TUBAL3: variants seen among roughly 807,000 people sequenced by gnomAD.
TUBAL3 encodes the protein tubulin alpha chain-like 3.
In TUBAL3, 16 loss-of-function variants were observed where a neutral mutation model predicts 15.5. The observed-to-expected ratio is 1.04, with a 90% CI of 0.70 to 1.57. The LOEUF (loss-of-function observed/expected upper bound fraction) is 1.57, where lower values mean the gene tolerates loss of function less well. Among genes scored for constraint, TUBAL3 ranks in the 40% most tolerant of loss-of-function variants. The probability of loss-of-function intolerance (pLI) is 0.00; values close to 1 mark genes in which losing one functional copy is unlikely to be tolerated. For missense variants in TUBAL3, 609 were observed against 576.2 expected, an observed-to-expected ratio of 1.06 and a Z score of -0.58; for synonymous variants, 238 against 224.3, an observed-to-expected ratio of 1.06 and a Z score of -0.55.
chr10:5,393,566 T>A lies in TUBAL3; in HGVS notation c.1292A>T (p.Asp431Val). Residue 431 changes from aspartate to valine, a missense_variant, in exon 4 of 4, where the codon GAT becomes GTT. Physicochemically the swap from Asp to Val is radical, Grantham distance 152 (BLOSUM62 -3). Transcript: ENST00000380419. ...ATAGTCCCTCTCCAGGGCTGCCAGA[T>A]CTTCCCTGGCCTCCAAGAACTCTGC... Reference protein sequence around the residue: ...EEAEFLEAREDLAALERDYEE... With the variant: ...EEAEFLEAREVLAALERDYEE... The A allele has an allele frequency of 3.7e-6, 6 of 1,614,012 alleles. No homozygotes were observed. The highest frequency in any genetic ancestry group is 5.1e-6 in the Non-Finnish European group (6 of 1,179,942).
Position 5,398,823 on chromosome 10 carries a change from ATTC to A in TUBAL3, c.247+2018_247+2020del, listed in dbSNP as rs1273440908. ...TATATTTTATGTGTGGCCCAAGATA[ATTC>A]TTCTTCTTCCAATGTGTCCCAGGGA... On this transcript the variant is annotated intron_variant, in intron 2 of 3. Coordinates refer to ENST00000380419, the MANE Select transcript of TUBAL3 (RefSeq NM_024803.3). Among the ~76,000 whole-genome samples, 7 of 152,270 alleles carry A rather than the reference ATTC, an allele frequency of 4.6e-5. No homozygotes were observed. In the South Asian group the frequency reaches 1.0e-3, roughly 23 times the overall value.
In TUBAL3 at chr10:5,396,304, T is replaced by C. The variant is rs1333343204; in HGVS notation, c.248-829A>G. ...AGGTGGATCACTTGAGGTCAGGAGC[T>C]TGAGACCAGCCTGGCCAACATGGTG... On this transcript the variant is annotated intron_variant, in intron 2 of 3. Transcript: ENST00000380419. This position sits in a 1 kb window ranked among gnomAD's most constrained non-coding sequence, Gnocchi z 5.1. Among the ~76,000 whole-genome samples, 2 of 152,074 alleles carry C rather than the reference T, an allele frequency of 1.3e-5. No individual in the cohort carries two copies. Among genetic ancestry groups the C allele is most frequent in the Non-Finnish European group, 2.9e-5 (2 of 68,012 alleles).
Position 5,396,220 on chromosome 10 carries a change from G to A in TUBAL3, c.248-745C>T, listed in dbSNP as rs1831761940. On this transcript the variant is annotated intron_variant, in intron 2 of 3. Transcript: ENST00000380419. This position sits in a 1 kb window ranked among gnomAD's most constrained non-coding sequence, Gnocchi z 5.1. ...TGTGTGCTGGAAAGGCACACAGAAA[G>A]GCATATCCAGGGCACAGTGGCTCAC... is the stretch of plus-strand genomic sequence containing the variant. 6.6e-6 allele frequency among the ~76,000 whole-genome samples: 1 copy of A among 152,164 alleles called. No homozygotes were observed. The highest frequency in any genetic ancestry group is 1.5e-5 in the Non-Finnish European group (1 of 68,026).
At chr10:5,399,351 G>T (rs1831813034) in intron 2 of TUBAL3, among the ~76,000 whole-genome samples, 1 of 152,198 alleles carries the variant, frequency 6.6e-6, no homozygotes, top group African/African-American at 2.4e-5. Flanking sequence ...GGTCATAAGG[G>T]TAGAGACTTC....
intron 2 of TUBAL3, among the ~76,000 whole-genome samples, chr10:5,399,319 G>C (rs942679498): frequency 1.3e-5 from 2 of 152,216 alleles, no homozygotes; most frequent in Non-Finnish European, 2.9e-5. Context: ...GGTATCTGGA[G>C]GTGAGTCTTT....
Position 5,396,995 on chromosome 10 carries a change from C to T in TUBAL3, c.248-1520G>A, listed in dbSNP as rs1233105088. 1.3e-5 allele frequency among the ~76,000 whole-genome samples: 2 copies of T among 152,158 alleles called. No homozygotes were observed. The highest frequency in any genetic ancestry group is 2.9e-5 in the Non-Finnish European group (2 of 68,036). ...ATAAGGATTATAACAAGATCTACCCCATTGAGCTGTTACGAGAACATAGGG... is the reference window on the plus strand; with the variant it reads ...ATAAGGATTATAACAAGATCTACCCTATTGAGCTGTTACGAGAACATAGGG... On this transcript the variant is annotated intron_variant, in intron 2 of 3. Coordinates refer to ENST00000380419, the MANE Select transcript of TUBAL3 (RefSeq NM_024803.3). This position sits in a 1 kb window ranked among gnomAD's most constrained non-coding sequence, Gnocchi z 5.1.
In TUBAL3 at chr10:5,397,986, C is replaced by T. The variant is rs1554814306; in HGVS notation, c.248-2511G>A. On this transcript the variant is annotated intron_variant, in intron 2 of 3. Transcript: ENST00000380419. The surrounding 1 kb of genome is among the most constrained non-coding windows in gnomAD (Gnocchi z 4.9). ...ACTCTGAATTTGCAAATGCTGTCAC[C>T]TCATGAGAAGGTGTGTGAGGCTGGG... is the stretch of plus-strand genomic sequence containing the variant. Among the ~76,000 whole-genome samples the T allele has an allele frequency of 6.6e-6, 1 of 152,160 alleles. No individual in the cohort carries two copies. Among genetic ancestry groups the T allele is most frequent in the Admixed American group, 6.5e-5 (1 of 15,270 alleles).
chr10:5,401,871 A>G (rs1831858839), intron 1 of TUBAL3, among the ~76,000 whole-genome samples: 1 of 152,204 alleles, frequency 6.6e-6, no homozygotes, highest in Non-Finnish European at 1.5e-5. Context: ...ACAATTCATA[A>G]GCATGAAAAC....
rs566172279 is a variant in TUBAL3 at position 5,393,797 on chromosome 10, C to T, written c.1061G>A (p.Cys354Tyr). 1.2e-6 allele frequency: 2 copies of T among 1,614,216 alleles called. No homozygotes were observed. The highest frequency in any genetic ancestry group is 2.2e-5 in the South Asian group (2 of 91,086). Residue 354 changes from cysteine (C) to tyrosine (Y), a missense_variant, in exon 4 of 4, where the codon TGT becomes TAT. Cys to Tyr is a radical substitution (Grantham distance 194). Transcript: ENST00000380419. ...GATGCCCACCTTGAAACCAGTTGGA[C>T]ACCAATCTACAAACTGAACAGAGTG... ...SRHSVQFVDW[C>Y]PTGFKVGINN...
rs782328592 is a variant in TUBAL3 at position 5,394,475 on chromosome 10, A to G, written c.397-14T>C. The G allele has an allele frequency of 1.9e-6, 3 of 1,569,964 alleles. No homozygotes were observed. The highest frequency in any genetic ancestry group is 4.5e-5 in the East Asian group (2 of 44,490). On this transcript the variant is annotated splice_polypyrimidine_tract_variant and intron_variant, in intron 3 of 3. Transcript: ENST00000380419. This position sits in a 1 kb window ranked among gnomAD's most constrained non-coding sequence, Gnocchi z 4.3. Reference sequence around the variant, plus strand: ...ACACTGTTCTGCCTGGAGAAAGTAAATGAGATGTGAGAATTCAGCTGAATA... The same window carrying G: ...ACACTGTTCTGCCTGGAGAAAGTAAGTGAGATGTGAGAATTCAGCTGAATA...
In TUBAL3 at chr10:5,393,475, G is replaced by T; in HGVS notation, c.*42C>A. Reference sequence around the variant, plus strand: ...ATATAACGGCTTGAAAAGAAAACATGCCATTTTAACTTGACATTCATTTGC... The same window carrying T: ...ATATAACGGCTTGAAAAGAAAACATTCCATTTTAACTTGACATTCATTTGC... On this transcript the variant is annotated 3_prime_UTR_variant, in exon 4 of 4. Coordinates refer to ENST00000380419, the MANE Select transcript of TUBAL3 (RefSeq NM_024803.3). The T allele has an allele frequency of 6.6e-7, 1 of 1,513,082 alleles. No homozygotes were observed. The highest frequency in any genetic ancestry group is 8.9e-7 in the Non-Finnish European group (1 of 1,124,044). 93.7% of individuals were successfully genotyped at this position (1,513,082 alleles called of 1,614,324 possible).
Position 5,394,119 on chromosome 10 carries a change from C to T in TUBAL3, c.739G>A (p.Ala247Thr). Residue 247 changes from alanine (A) to threonine (T), a missense_variant, in exon 4 of 4, where the codon GCC becomes ACC. By Grantham distance (58) the Ala-to-Thr change is moderately conservative. Transcript: ENST00000380419. The surrounding 1 kb of genome is among the most constrained non-coding windows in gnomAD (Gnocchi z 4.3). ...LVVQVVSSIT[A>T]SLRFEGPLNV... ...AAGGGCCCTTCAAACCGGAGGGAGGCAGTGATGGAAGATACCACCTGAACC... is the reference window on the plus strand; with the variant it reads ...AAGGGCCCTTCAAACCGGAGGGAGGTAGTGATGGAAGATACCACCTGAACC... 1 of 1,614,186 alleles carries T rather than the reference C, an allele frequency of 6.2e-7. No individual in the cohort carries two copies.
rs782409423 is a variant in TUBAL3 at position 5,394,289 on chromosome 10, T to C, written c.569A>G (p.Glu190Gly). The C allele has an allele frequency of 2.0e-5, 33 of 1,614,124 alleles. 1 individual carries two copies. In the South Asian group the frequency reaches 3.4e-4, roughly 17 times the overall value. Reference protein sequence around the residue: ...PAPRISTAVVEPYNSVLTTHS... With the variant: ...PAPRISTAVVGPYNSVLTTHS... The stretch of plus-strand genomic sequence containing the variant: ...GGTGGTGAGGACAGAGTTATAAGGC[T>C]CTACCACAGCAGTGGAGATCCTGGG... The change falls in exon 4 of 4, where the codon GAG becomes GGG. Residue 190 changes from glutamate to glycine, a missense_variant. Transcript: ENST00000380419. The surrounding 1 kb of genome is among the most constrained non-coding windows in gnomAD (Gnocchi z 4.3).
In TUBAL3 at chr10:5,394,480, A is replaced by G. The variant is rs554382139; in HGVS notation, c.397-19T>C. 6.4e-7 allele frequency: 1 copy of G among 1,563,606 alleles called. No homozygotes were observed. Among genetic ancestry groups the G allele is most frequent in the Non-Finnish European group, 8.7e-7 (1 of 1,155,860 alleles). The stretch of plus-strand genomic sequence containing the variant: ...GTTCTGCCTGGAGAAAGTAAATGAG[A>G]TGTGAGAATTCAGCTGAATAAATCC... On this transcript the variant is annotated intron_variant, in intron 3 of 3. Transcript: ENST00000380419. The surrounding 1 kb of genome is among the most constrained non-coding windows in gnomAD (Gnocchi z 4.3).
Position 5,395,495 on chromosome 10 carries a change from G to A in TUBAL3, c.248-20C>T, listed in dbSNP as rs1554814062. On this transcript the variant is annotated intron_variant, in intron 2 of 3. Coordinates refer to ENST00000380419, the MANE Select transcript of TUBAL3 (RefSeq NM_024803.3). The surrounding 1 kb of genome is among the most constrained non-coding windows in gnomAD (Gnocchi z 4.6). ...TCCCATCTGCAGAGGGTGAAAGGAG[G>A]TCAGTGCAACTCACCCAGTGCAATT... 8 of 1,482,494 alleles carry A rather than the reference G, an allele frequency of 5.4e-6. No individual in the cohort carries two copies. The highest frequency in any genetic ancestry group is 4.1e-5 in the South Asian group (3 of 72,394). 91.8% of individuals were successfully genotyped at this position (1,482,494 alleles called of 1,614,324 possible).
Position 5,394,868 on chromosome 10 carries a change from C to G in TUBAL3, c.397-407G>C, listed in dbSNP as rs1831738813. Among the ~76,000 whole-genome samples, 1 of 152,144 alleles carries G rather than the reference C, an allele frequency of 6.6e-6. No individual in the cohort carries two copies. The highest frequency in any genetic ancestry group is 2.4e-5 in the African/African-American group (1 of 41,428). On this transcript the variant is annotated intron_variant, in intron 3 of 3. Transcript: ENST00000380419. This position sits in a 1 kb window ranked among gnomAD's most constrained non-coding sequence, Gnocchi z 4.3. ...AGTAGCTAACAAATATGACAAACAC[C>G]AAAACTCTTACTTAGCAAAGGGTCT...
chr10:5,401,186 G>T (rs1831846433), intron 1 of TUBAL3, 99 bp from the exon 2 acceptor site: 1 of 1,450,334 alleles, frequency 6.9e-7, no homozygotes, highest in Non-Finnish European at 9.4e-7. Flanking sequence ...AACCAAGCTA[G>T]CTTAAGGCCA....
At chr10:5,398,073 G>A (rs1453752349) in intron 2 of TUBAL3, among the ~76,000 whole-genome samples, 2 of 152,118 alleles carry the variant, frequency 1.3e-5, no homozygotes, top group East Asian at 1.9e-4. Flanking sequence ...GATTGTTTGA[G>A]GTCAGGAGTT....
At chr10:5,399,411 C>T (rs1831815609) in intron 2 of TUBAL3, among the ~76,000 whole-genome samples, 1 of 152,152 alleles carries the variant, frequency 6.6e-6, no homozygotes, top group South Asian at 2.1e-4. Context: ...ATTTCTCTGC[C>T]ATATGAGAAT....
Sources: gnomAD v4.1 joint callset for allele counts (sites outside exome capture counted in the v4.1 genomes callset) on GRCh38, gnomAD v4.1.1 for gene constraint, Gnocchi (gnomAD v3.1) non-coding constraint, MANE v1.5 for transcripts, NCBI Gene and HGNC (gene_info 2026-07-23, HGNC 2026-07-21) for gene names.